The following EIF2AK2 variants were observed in gnomAD, a reference collection of about 807,000 sequenced individuals.
EIF2AK2 encodes the protein eukaryotic translation initiation factor 2 alpha kinase 2.
Under a neutral mutation model 70.5 loss-of-function variants are expected in EIF2AK2, and 40 were observed. The ratio of observed to expected loss-of-function variants is 0.57; its 90% CI spans 0.44 to 0.74. The LOEUF (loss-of-function observed/expected upper bound fraction) is 0.74, where lower values mean the gene tolerates loss of function less well. EIF2AK2 is among the 30% of genes least tolerant of loss of function. EIF2AK2 has a pLI of 0.00. For synonymous variants in EIF2AK2, 198 were observed against 220.9 expected (o/e 0.90, Z 0.92); for missense variants, 555 against 644.3 (o/e 0.86, Z 1.50).
At chr2:37,148,137 G>A (rs559204987) in intron 2 of EIF2AK2, among the ~76,000 whole-genome samples, 48 of 152,054 alleles carry the variant, frequency 3.2e-4, no homozygotes, top group Non-Finnish European at 5.1e-4. Flanking sequence ...GGGCAACATG[G>A]CGAAACCCCA....
chr2:37,132,016 A>T (rs1218968143), intron 10 of EIF2AK2, among the ~76,000 whole-genome samples: 1 of 152,170 alleles, frequency 6.6e-6, no homozygotes, highest in Non-Finnish European at 1.5e-5. Context: ...TGGAAAACTA[A>T]TCCATTGTCT....
At chr2:37,156,007 G>A (rs1382632252) in intron 1 of EIF2AK2, among the ~76,000 whole-genome samples, 3 of 151,938 alleles carry the variant, frequency 2.0e-5, no homozygotes, top group South Asian at 2.1e-4. Flanking sequence ...GTTGACAACC[G>A]AAGTAGTGGA....
chr2:37,121,602 T>C (rs1674554097), intron 12 of EIF2AK2, among the ~76,000 whole-genome samples: 1 of 147,970 alleles, frequency 6.8e-6, no homozygotes, highest in South Asian at 2.1e-4. Context: ...CTAAGATACA[T>C]AAATTGGAGG....
intron 9 of EIF2AK2, among the ~76,000 whole-genome samples, chr2:37,136,483 C>A (rs530987195): frequency 2.0e-5 from 3 of 152,206 alleles, no homozygotes; most frequent in Admixed American, 2.0e-4. Context: ...CATCAAGAAC[C>A]ATGTTTCTTC....
chr2:37,123,606 G>A (rs116243559), intron 11 of EIF2AK2, among the ~76,000 whole-genome samples: 2,044 of 152,198 alleles, frequency 0.013, 43 homozygotes, highest in African/African-American at 0.047. Flanking sequence ...ATTATGTTTT[G>A]CTTAGATTTG....
chr2:37,119,894 G>A, intron 13 of EIF2AK2, 65 bp downstream of exon 13: 2 of 960,632 alleles, frequency 2.1e-6, no homozygotes, highest in Non-Finnish European at 2.7e-6. Flanking sequence ...GCCCAGCTGA[G>A]AAGATATATT....
At chr2:37,156,332 G>C (rs1031598048) in intron 1 of EIF2AK2, among the ~76,000 whole-genome samples, 4 of 152,160 alleles carry the variant, frequency 2.6e-5, no homozygotes, top group African/African-American at 7.2e-5. Flanking sequence ...GGGAAGGTCG[G>C]AGCAGGGGAG....
Position 37,147,726 on chromosome 2 carries a change from A to G in EIF2AK2, c.81T>C (p.Tyr27=). 7 of 1,613,612 alleles carry G rather than the reference A, an allele frequency of 4.3e-6. No individual in the cohort carries two copies. The highest frequency in any genetic ancestry group is 2.2e-5 in the South Asian group (2 of 91,054). The stretch of plus-strand genomic sequence containing the variant: ...GAGGTCCTGAATTAGGCAGTTCTTG[A>G]TATTTAAGTACTACTCCCTGCTTCT... ...YRQKQGVVLK[Y]QELPNSGPPH... is the part of the protein sequence containing the mutation. Residue 27 remains tyrosine (Y), a synonymous_variant, in exon 3 of 17, where the codon TAT becomes TAC. Transcript: ENST00000233057.
rs1673862626 is a variant in EIF2AK2 at position 37,102,968 on chromosome 2, G to C, written c.*4305C>G. ...AAATTCCCTAAAAGGTATGTTTCTA[G>C]GGAGGCAATTATATTAAAATGGCTC... On this transcript the variant is annotated 3_prime_UTR_variant, in exon 17 of 17. Coordinates refer to ENST00000233057, the MANE Select transcript of EIF2AK2 (RefSeq NM_001135651.3). The C allele has an allele frequency of 6.6e-6, 1 of 151,568 alleles. No individual in the cohort carries two copies. Among genetic ancestry groups the C allele is most frequent in the Non-Finnish European group, 1.5e-5 (1 of 67,970 alleles). 9.4% of individuals were successfully genotyped at this position (151,568 alleles called of 1,614,324 possible).
At position 37,146,865 on chromosome 2, in the gene EIF2AK2, A is replaced by G. The variant is rs141437071; in HGVS notation, c.228T>C (p.Asn76=). The G allele has an allele frequency of 1.6e-5, 26 of 1,613,564 alleles. No homozygotes were observed. In the African/African-American group the frequency reaches 2.9e-4, roughly 18 times the overall value. The change falls in exon 4 of 17, where the codon AAT becomes AAC. Residue 76 remains asparagine, a synonymous_variant. Coordinates refer to ENST00000233057, the MANE Select transcript of EIF2AK2 (RefSeq NM_001135651.3). The part of the protein sequence containing the change: ...AAAKLAVEIL[N]KEKKAVSPLL... The stretch of plus-strand genomic sequence containing the variant: ...GGCAATCACTCACCTTCTTTTCCTT[A>G]TTAAGTATCTCAACAGCTAATTTGG...
At chr2:37,129,492 C>T (rs76677211) in intron 10 of EIF2AK2, among the ~76,000 whole-genome samples, 5,703 of 152,200 alleles carry the variant, frequency 0.037, 151 homozygotes, top group Middle Eastern at 0.058. Flanking sequence ...GTGCTGACAA[C>T]GGAAGACTGA....
intron 14 of EIF2AK2, among the ~76,000 whole-genome samples, chr2:37,111,874 AAAAAATATATATATATATATATAT>A (rs1558407811): frequency 4.6e-5 from 2 of 43,266 alleles, no homozygotes; most frequent in African/African-American, 1.4e-4. Context: ...AAAAAAAAAA[AAAAAATATATATATATATATATAT>A]ATATATATAT....
At chr2:37,123,728 A>C (rs988837873) in intron 11 of EIF2AK2, among the ~76,000 whole-genome samples, 4 of 152,220 alleles carry the variant, frequency 2.6e-5, no homozygotes, top group Non-Finnish European at 5.9e-5. Context: ...AAATATACAC[A>C]AAGAGGATAA....
chr2:37,124,422 CA>C (rs1674662673), intron 11 of EIF2AK2, among the ~76,000 whole-genome samples: 1 of 152,126 alleles, frequency 6.6e-6, no homozygotes. Flanking sequence ...CTGCCATGCC[CA>C]GCTAATTTTT....
chr2:37,116,655 G>C (rs944144629), intron 13 of EIF2AK2, among the ~76,000 whole-genome samples: 1 of 152,188 alleles, frequency 6.6e-6, no homozygotes, highest in Non-Finnish European at 1.5e-5. Flanking sequence ...TCAATTAACA[G>C]TCAGATTGGA....
In EIF2AK2 at chr2:37,120,544, A is replaced by G. The variant is rs571240631; in HGVS notation, c.1068-405T>C. 1.1e-4 allele frequency among the ~76,000 whole-genome samples: 17 copies of G among 149,212 alleles called. 2 individuals carry two copies. The highest frequency in any genetic ancestry group is 2.4e-4 in the Non-Finnish European group (16 of 67,028). ...AAAAAAAGAAAAAAAAAGAACCCCA[A>G]AACATGTCACAAAATAGAAATCTAA... On this transcript the variant is annotated intron_variant, in intron 12 of 16. Transcript: ENST00000233057.
intron 12 of EIF2AK2, among the ~76,000 whole-genome samples, chr2:37,121,292 GAA>G (rs11460614): frequency 8.2e-6 from 1 of 122,354 alleles, no homozygotes; most frequent in African/African-American, 3.0e-5. Flanking sequence ...AAAACGAGAA[GAA>G]AAAAAAAATG....
chr2:37,137,306 T>C (rs1240491591), intron 8 of EIF2AK2, among the ~76,000 whole-genome samples: 1 of 152,246 alleles, frequency 6.6e-6, no homozygotes, highest in African/African-American at 2.4e-5. Context: ...TCTCTGAATA[T>C]CTGTTTATAC....
chr2:37,154,685 C>T (rs893067943), intron 1 of EIF2AK2, among the ~76,000 whole-genome samples: 1 of 152,000 alleles, frequency 6.6e-6, no homozygotes, highest in African/African-American at 2.4e-5. Context: ...CTCAGCATTC[C>T]GAGTAGCTGG....
Sources: gnomAD v4.1 joint callset for allele counts (sites outside exome capture counted in the v4.1 genomes callset) on GRCh38, gnomAD v4.1.1 for gene constraint, MANE v1.5 for transcripts, NCBI Gene and HGNC (gene_info 2026-07-23, HGNC 2026-07-21) for gene names.